VPS13B: variants seen among roughly 807,000 people sequenced by gnomAD.
VPS13B encodes vacuolar protein sorting 13 homolog B.
In VPS13B, 285 loss-of-function variants were observed where a neutral mutation model predicts 426.4. The observed-to-expected ratio is 0.67, with a 90% CI of 0.61 to 0.74. VPS13B has a LOEUF of 0.74. Among genes scored for constraint, VPS13B ranks in the 30% least tolerant of loss-of-function variants. The pLI is 0.00. For missense variants in VPS13B, 4,537 were observed against 4,782.6 expected (o/e 0.95, Z 1.51); for synonymous variants, 1,676 against 1,676.4 (o/e 1.00, Z 0.01).
At chr8:99,828,501 T>G (rs1814861566) in intron 51 of VPS13B, among the ~76,000 whole-genome samples, 1 of 148,104 alleles carries the variant, frequency 6.8e-6, no homozygotes, top group African/African-American at 2.5e-5. Flanking sequence ...TCTTTGCACA[T>G]GAGATGGGTC....
intron 3 of VPS13B, among the ~76,000 whole-genome samples, chr8:99,056,289 G>A (rs2054231675): frequency 6.6e-6 from 1 of 151,976 alleles, no homozygotes; most frequent in African/African-American, 2.4e-5. Context: ...TTGAACTCCT[G>A]GGCTCAAGCG....
At chr8:99,685,888 G>A (rs1831374682) in intron 35 of VPS13B, among the ~76,000 whole-genome samples, 1 of 152,176 alleles carries the variant, frequency 6.6e-6, no homozygotes, top group Non-Finnish European at 1.5e-5. Flanking sequence ...TGTTTGCCTG[G>A]ATGGTTTTCA....
intron 15 of VPS13B, 134 bp from the exon 16 acceptor site, chr8:99,169,905 T>C: frequency 9.5e-7 from 1 of 1,053,620 alleles, no homozygotes; most frequent in South Asian, 1.3e-5. Flanking sequence ...GTTGATCGTT[T>C]GGGAAGTGGA....
chr8:99,556,501 C>T lies in VPS13B; in HGVS notation c.4797C>T (p.Asp1599=). 2 of 1,613,090 alleles carry T rather than the reference C, an allele frequency of 1.2e-6. No homozygotes were observed. The highest frequency in any genetic ancestry group is 1.7e-6 in the Non-Finnish European group (2 of 1,179,518). The part of the protein sequence containing the change: ...ILRDPGSEIE[D]RQYQIDLQSI... ...GAGATCCTGGATCAGAAATCGAAGA[C>T]AGACAATACCAAATAGATCTGCAGT... Residue 1599 remains aspartate, a synonymous_variant, in exon 31 of 62, where the codon GAC becomes GAT. Transcript: ENST00000357162.
At chr8:99,760,771 AG>A (rs1810888592) in intron 39 of VPS13B, among the ~76,000 whole-genome samples, 1 of 152,240 alleles carries the variant, frequency 6.6e-6, no homozygotes, top group Non-Finnish European at 1.5e-5. Context: ...AAAATATTCA[AG>A]AAAAGAAAAT....
rs74749443 is a variant in VPS13B, at chr8:99,799,235, G to A, written c.7942-10140G>A. 5.3e-5 allele frequency: 8 copies of A among 152,264 alleles called. No individual in the cohort carries two copies. In the East Asian group the frequency reaches 9.6e-4, roughly 18 times the overall value. The allele number at this position is 152,264 out of a possible 1,614,324, so 9.4% of individuals were successfully genotyped here. A position where few individuals can be genotyped will look rare whatever the true frequency, so the allele number is the denominator to read the frequency against. ...TTATTTCATTTCTCATGATAATTCC[G>A]GACTTGCCAAGTTAGTGAATTTTAA... On this transcript the variant is annotated intron_variant, in intron 43 of 61. Coordinates refer to ENST00000357162, the MANE Select transcript of VPS13B (RefSeq NM_152564.5).
At chr8:99,119,204 CT>C (rs1847820301) in intron 7 of VPS13B, 1 of 151,932 alleles carries the variant, frequency 6.6e-6, no homozygotes, top group Non-Finnish European at 1.5e-5. Context: ...CCATTTAAAG[CT>C]TTTTTGTGTC....
At position 99,877,164 on chromosome 8, in the gene VPS13B, A is replaced by T. The variant is rs1390333659; in HGVS notation, c.*1498A>T. On this transcript the variant is annotated 3_prime_UTR_variant, in exon 62 of 62. Coordinates refer to ENST00000357162, the MANE Select transcript of VPS13B (RefSeq NM_152564.5). ...GTGTGAGCCACCATGCCCAACACCC[A>T]CTGATCTTTAACTCTCACATGTTGG... 6.6e-6 allele frequency: 1 copy of T among 152,144 alleles called. No homozygotes were observed. The highest frequency in any genetic ancestry group is 6.5e-5 in the Admixed American group (1 of 15,268). The allele number at this position is 152,144 out of a possible 1,614,324, so 9.4% of individuals were successfully genotyped here.
At chr8:99,340,414 A>T (rs1811177735) in intron 19 of VPS13B, 1 of 470,616 alleles carries the variant, frequency 2.1e-6, no homozygotes, top group Admixed American at 2.5e-5. Flanking sequence ...AAAACTTCAG[A>T]AAAGATCAAA....
intron 33 of VPS13B, among the ~76,000 whole-genome samples, chr8:99,589,449 T>A (rs1826490348): frequency 1.3e-5 from 2 of 151,572 alleles, no homozygotes; most frequent in Non-Finnish European, 2.9e-5. Context: ...AGTGAGAACA[T>A]GCGGTGTTTG....
At chr8:99,609,666 C>A (rs1214326544) in intron 33 of VPS13B, among the ~76,000 whole-genome samples, 2 of 152,108 alleles carry the variant, frequency 1.3e-5, no homozygotes, top group Admixed American at 1.3e-4. Flanking sequence ...ATGTGTACTT[C>A]CTATTTCATT....
chr8:99,744,102 C>T (rs1809931796), intron 39 of VPS13B, among the ~76,000 whole-genome samples: 1 of 152,094 alleles, frequency 6.6e-6, no homozygotes, highest in Non-Finnish European at 1.5e-5. Flanking sequence ...TATCCAGAAT[C>T]TACAAAGAAC....
In VPS13B at chr8:99,849,209, G is replaced by A. The variant is rs187937689; in HGVS notation, c.10061+315G>A. 1.1e-4 allele frequency among the ~76,000 whole-genome samples: 17 copies of A among 152,272 alleles called. No homozygotes were observed. The East Asian group carries it at 2.3e-3, about 21-fold the overall frequency. On this transcript the variant is annotated intron_variant, in intron 55 of 61. Coordinates refer to ENST00000357162, the MANE Select transcript of VPS13B (RefSeq NM_152564.5). ...AATACCTCTGTGTCTGCATGACAGTGTAGTAATTAATAATAAAACTTAGCA... is the reference window on the plus strand; with the variant it reads ...AATACCTCTGTGTCTGCATGACAGTATAGTAATTAATAATAAAACTTAGCA...
At chr8:99,109,929 G>A (rs1229122575) in intron 5 of VPS13B, among the ~76,000 whole-genome samples, 3 of 152,068 alleles carry the variant, frequency 2.0e-5, no homozygotes, top group Non-Finnish European at 4.4e-5. Flanking sequence ...CATAAAGAGA[G>A]GGAAGGAAAC....
intron 23 of VPS13B, among the ~76,000 whole-genome samples, chr8:99,443,199 C>T (rs781569432): frequency 2.6e-5 from 4 of 151,920 alleles, no homozygotes; most frequent in Non-Finnish European, 4.4e-5. Context: ...TCATTTCAAA[C>T]AAAATGTGAA....
At position 99,868,125 on chromosome 8, in the gene VPS13B, CCCTTGGTGTACTTAGATAA is replaced by C; in HGVS notation, c.11216-162_11216-144del. On this transcript the variant is annotated intron_variant, in intron 58 of 61. Coordinates refer to ENST00000357162, the MANE Select transcript of VPS13B (RefSeq NM_152564.5). ...TGATGACGATAATAAATGTCTACTG[CCCTTGGTGTACTTAGATAA>C]CTGGTAAACAAATGGGTAGTAAAGA... The C allele has an allele frequency of 6.5e-6, 5 of 773,598 alleles. No homozygotes were observed. In the South Asian group the frequency reaches 8.1e-5, roughly 12 times the overall value. The allele number at this position is 773,598 out of a possible 1,614,324, so 47.9% of individuals were successfully genotyped here.
intron 36 of VPS13B, among the ~76,000 whole-genome samples, chr8:99,700,316 C>T (rs77484935): frequency 0.019 from 2,938 of 152,290 alleles, 101 homozygotes; most frequent in African/African-American, 0.068. Flanking sequence ...GAAATTGTTA[C>T]AAATGCAAAT....
At chr8:99,510,034 TTA>T (rs1377306684) in intron 28 of VPS13B, among the ~76,000 whole-genome samples, 1 of 152,214 alleles carries the variant, frequency 6.6e-6, no homozygotes, top group Non-Finnish European at 1.5e-5. Flanking sequence ...CTGTTAAATG[TTA>T]TATGTGTACT....
At chr8:99,428,346 A>G (rs916327420) in intron 21 of VPS13B, among the ~76,000 whole-genome samples, 2 of 152,206 alleles carry the variant, frequency 1.3e-5, no homozygotes, top group African/African-American at 4.8e-5. Context: ...CAGAGTGAAC[A>G]GGCAACCTAT....
Sources: gnomAD v4.1 joint callset for allele counts (sites outside exome capture counted in the v4.1 genomes callset) on GRCh38, gnomAD v4.1.1 for gene constraint, MANE v1.5 for transcripts, NCBI Gene and HGNC (gene_info 2026-07-23, HGNC 2026-07-21) for gene names.